The following MTDH variants were observed in gnomAD, a reference collection of about 807,000 sequenced individuals.
MTDH encodes protein LYRIC.
MTDH carries 34 observed loss-of-function variants against 72.7 expected under a neutral mutation model. That is an observed-to-expected ratio of 0.47 (90% CI 0.36 to 0.62). The LOEUF is 0.62. Ranked by LOEUF, MTDH falls within the 20% of genes least tolerant of loss-of-function variation. The probability of loss-of-function intolerance (pLI) is 0.00; values close to 1 mark genes in which losing one functional copy is unlikely to be tolerated. For missense variants in MTDH, 677 were observed against 699.4 expected, an observed-to-expected ratio of 0.97 and a Z score of 0.36; for synonymous variants, 266 against 268.9, an observed-to-expected ratio of 0.99 and a Z score of 0.10.
At chr8:97,712,916 C>T (rs1229847610) in intron 8 of MTDH, among the ~76,000 whole-genome samples, 2 of 152,062 alleles carry the variant, frequency 1.3e-5, no homozygotes, top group African/African-American at 4.8e-5. Context: ...TGTACAGATA[C>T]TAGTTCCATG....
At position 97,719,231 on chromosome 8, in the gene MTDH, ACGCCTGTAAT is replaced by A. The variant is rs1295790324; in HGVS notation, c.1521+44_1521+53del. 3.1e-6 allele frequency: 5 copies of A among 1,598,514 alleles called. No homozygotes were observed. The South Asian group carries it at 5.6e-5, about 18-fold the overall frequency. ...ATAAAGTTGCCGGGCGCAGTGGCTT[ACGCCTGTAAT>A]CCCAGCACTTTGAGAGGCCAAGGTG... On this transcript the variant is annotated intron_variant, in intron 10 of 11. Coordinates refer to ENST00000336273, the MANE Select transcript of MTDH (RefSeq NM_178812.4).
intron 9 of MTDH, among the ~76,000 whole-genome samples, chr8:97,716,046 A>G (rs1814856186): frequency 6.6e-6 from 1 of 151,838 alleles, no homozygotes; most frequent in Admixed American, 6.6e-5. Flanking sequence ...TGAGAATTTG[A>G]TATCCATGAA....
At chr8:97,698,860 A>G (rs1476429248) in intron 6 of MTDH, among the ~76,000 whole-genome samples, 1 of 152,216 alleles carries the variant, frequency 6.6e-6, no homozygotes, top group Non-Finnish European at 1.5e-5. Flanking sequence ...TGAAATTTGT[A>G]GGCAGGGCAC....
intron 2 of MTDH, among the ~76,000 whole-genome samples, chr8:97,662,288 C>T (rs555972216): frequency 2.9e-4 from 43 of 150,620 alleles, no homozygotes; most frequent in African/African-American, 9.7e-4. Flanking sequence ...CCTCCTGCCT[C>T]GGCCTCCCAA....
intron 7 of MTDH, among the ~76,000 whole-genome samples, chr8:97,704,701 A>C (rs1005507387): frequency 2.0e-5 from 3 of 151,958 alleles, no homozygotes. Context: ...CTGTGTAGAC[A>C]ATTTTGTCTA....
chr8:97,654,057 G>T (rs1016817482), intron 1 of MTDH, among the ~76,000 whole-genome samples: 2 of 152,170 alleles, frequency 1.3e-5, no homozygotes, highest in African/African-American at 4.8e-5. Flanking sequence ...GTAACCCTGA[G>T]CATCCCTGCT....
chr8:97,662,572 G>A (rs944730775), intron 2 of MTDH, among the ~76,000 whole-genome samples: 1 of 151,516 alleles, frequency 6.6e-6, no homozygotes, highest in Admixed American at 6.6e-5. Context: ...GATCGCCTGA[G>A]GTCAGGAATT....
chr8:97,662,554 G>A (rs1812214334), intron 2 of MTDH, among the ~76,000 whole-genome samples: 1 of 151,908 alleles, frequency 6.6e-6, no homozygotes, highest in Admixed American at 6.5e-5. Context: ...GGGAGCCCAA[G>A]GCAGGTGGAT....
At chr8:97,656,248 G>C (rs1433612417) in intron 1 of MTDH, among the ~76,000 whole-genome samples, 1 of 151,420 alleles carries the variant, frequency 6.6e-6, no homozygotes, top group Admixed American at 6.6e-5. Context: ...TTGCAAGTTG[G>C]AATCAGTTTT....
chr8:97,662,495 G>A lies in MTDH; in HGVS notation c.483+1322G>A, dbSNP rs117502223. ...CTTCTTGGAATAGTGGTATGAAATG[G>A]TTGCTGCTGGCTGGGTGTGGTGGCT... On this transcript the variant is annotated intron_variant, in intron 2 of 11. Coordinates refer to ENST00000336273, the MANE Select transcript of MTDH (RefSeq NM_178812.4). Among the ~76,000 whole-genome samples the A allele has an allele frequency of 3.9e-4, 60 of 152,034 alleles. No individual in the cohort carries two copies. The East Asian group carries it at 0.011, about 28-fold the overall frequency.
At chr8:97,696,534 CACAG>C (rs1453448244) in intron 6 of MTDH, among the ~76,000 whole-genome samples, 2 of 152,174 alleles carry the variant, frequency 1.3e-5, no homozygotes, top group Non-Finnish European at 2.9e-5. Context: ...TGTATTGGCA[CACAG>C]ACAAATACAC....
intron 7 of MTDH, among the ~76,000 whole-genome samples, chr8:97,702,927 T>C (rs972354146): frequency 1.3e-5 from 2 of 152,224 alleles, no homozygotes; most frequent in Non-Finnish European, 1.5e-5. Flanking sequence ...AGAAAACCAG[T>C]ATGGCTCTTT....
chr8:97,706,890 G>A, intron 8 of MTDH, 140 bp downstream of exon 8: 2 of 869,610 alleles, frequency 2.3e-6, no homozygotes, highest in Non-Finnish European at 1.6e-6. Context: ...GCCAGCCTGG[G>A]CAACATAGCG....
In MTDH at chr8:97,724,583, C is replaced by G. The variant is rs1243542139; in HGVS notation, c.1679-17C>G. 2 of 1,566,570 alleles carry G rather than the reference C, an allele frequency of 1.3e-6. No homozygotes were observed. The highest frequency in any genetic ancestry group is 2.8e-5 in the African/African-American group (2 of 72,466). On this transcript the variant is annotated splice_polypyrimidine_tract_variant and intron_variant, in intron 11 of 11. Transcript: ENST00000336273. ...CCTCCTAATTTTTTTCTTCGTTTTC[C>G]CCCTTTTCTTTTTTAGCCAAGTCTG...
At position 97,719,047 on chromosome 8, in the gene MTDH, A is replaced by G. The variant is rs764357931; in HGVS notation, c.1381-2A>G. ...AATCTAATAGGTTATTTTTCTCTAT[A>G]GGACACAGAAGAATTAGAAAAAGAG... On this transcript the variant is annotated splice_acceptor_variant, in intron 9 of 11. Transcript: ENST00000336273. LOFTEE classifies it high-confidence loss of function. The G allele has an allele frequency of 3.1e-6, 5 of 1,594,990 alleles. No homozygotes were observed. In the South Asian group the frequency reaches 3.4e-5, roughly 11 times the overall value.
intron 1 of MTDH, among the ~76,000 whole-genome samples, chr8:97,653,803 T>C (rs1434398227): frequency 6.6e-6 from 1 of 152,244 alleles, no homozygotes; most frequent in African/African-American, 2.4e-5. Flanking sequence ...CCAGCTATGC[T>C]AGTAGTTTTC....
At chr8:97,695,425 T>G (rs1328430770) in intron 6 of MTDH, among the ~76,000 whole-genome samples, 1 of 152,174 alleles carries the variant, frequency 6.6e-6, no homozygotes, top group African/African-American at 2.4e-5. Flanking sequence ...AATTTACTTG[T>G]AAAAGTTATA....
At chr8:97,657,793 G>C (rs931394037) in intron 1 of MTDH, among the ~76,000 whole-genome samples, 1 of 152,254 alleles carries the variant, frequency 6.6e-6, no homozygotes, top group Admixed American at 6.5e-5. Context: ...ACAGCCGTGA[G>C]CCACTGCACC....
At chr8:97,686,111 T>C (rs755517537) in intron 2 of MTDH, among the ~76,000 whole-genome samples, 1 of 152,214 alleles carries the variant, frequency 6.6e-6, no homozygotes, top group Non-Finnish European at 1.5e-5. Flanking sequence ...ATTGACTCAT[T>C]AATTTGTTAT....
Sources: allele counts gnomAD v4.1 joint callset (sites outside exome capture counted in the v4.1 genomes callset), GRCh38; gene constraint gnomAD v4.1.1; transcripts MANE v1.5; gene names NCBI Gene and HGNC (gene_info 2026-07-23, HGNC 2026-07-21).